AFG2A: variants seen among roughly 807,000 people sequenced by gnomAD.
The protein encoded by AFG2A is AAA ATPase AFG2A.
At chr4:122,941,130 C>T in the AFG2A span, among the ~76,000 whole-genome samples, 11 of 149,354 alleles carry the variant, frequency 7.4e-5, no homozygotes, top group South Asian at 4.3e-4. Context: ...TTTTTTGGTT[C>T]CATATGAACT....
the AFG2A span, among the ~76,000 whole-genome samples, chr4:123,017,871 C>T: frequency 6.6e-6 from 1 of 152,002 alleles, no homozygotes; most frequent in Non-Finnish European, 1.5e-5. Flanking sequence ...AACTTGGCAC[C>T]CAGCAAGCAA....
chr4:123,254,507 T>C, the AFG2A span, among the ~76,000 whole-genome samples: 1 of 152,218 alleles, frequency 6.6e-6, no homozygotes, highest in Non-Finnish European at 1.5e-5. Context: ...AGTGTAAATT[T>C]TTCCAATTTG....
chr4:123,199,462 G>GTGTTTTT, the AFG2A span, among the ~76,000 whole-genome samples: 1 of 47,412 alleles, frequency 2.1e-5, no homozygotes. Flanking sequence ...ATACTCAGAG[G>GTGTTTTT]TTTTTTTTTT....
chr4:123,278,384 T>TAATTTTTTC, the AFG2A span, among the ~76,000 whole-genome samples: 1 of 152,158 alleles, frequency 6.6e-6, no homozygotes, highest in African/African-American at 2.4e-5. Flanking sequence ...CTATCTGTCT[T>TAATTTTTTC]AATTTTTTCA....
the AFG2A span, among the ~76,000 whole-genome samples, chr4:123,093,185 A>T: frequency 0.016 from 2,492 of 152,256 alleles, 28 homozygotes; most frequent in African/African-American, 0.028. Context: ...TGGGGGTGTT[A>T]GACAGCAATC....
chr4:123,315,020 T>A, the AFG2A span: 1 of 151,976 alleles, frequency 6.6e-6, no homozygotes, highest in African/African-American at 2.4e-5. Context: ...CCTCCCAAAG[T>A]GCTGGGATTA....
At chr4:123,011,621 T>G in the AFG2A span, among the ~76,000 whole-genome samples, 1 of 152,194 alleles carries the variant, frequency 6.6e-6, no homozygotes, top group African/African-American at 2.4e-5. Flanking sequence ...GAAAGTGCCA[T>G]TTTCTGGCTA....
At chr4:123,087,669 GTTTGT>G in the AFG2A span, among the ~76,000 whole-genome samples, 1 of 152,142 alleles carries the variant, frequency 6.6e-6, no homozygotes, top group Non-Finnish European at 1.5e-5. Flanking sequence ...ACCCCCAGCA[GTTTGT>G]TAATTGCATT....
the AFG2A span, among the ~76,000 whole-genome samples, chr4:123,274,327 A>G: frequency 3.3e-5 from 5 of 152,036 alleles, no homozygotes; most frequent in African/African-American, 7.2e-5. Flanking sequence ...GACCGAATGC[A>G]TACAATTTCA....
chr4:123,226,455 A>G, the AFG2A span, among the ~76,000 whole-genome samples: 5 of 152,204 alleles, frequency 3.3e-5, no homozygotes, highest in Admixed American at 1.3e-4. Flanking sequence ...CCTTTTCTGC[A>G]TCTATTGAGA....
the AFG2A span, among the ~76,000 whole-genome samples, chr4:123,156,184 T>A: frequency 6.6e-6 from 1 of 152,212 alleles, no homozygotes; most frequent in Admixed American, 6.5e-5. Flanking sequence ...TGTGTTTAGT[T>A]TGCAAGTTTA....
chr4:122,923,101 G>C, the AFG2A span: 1 of 1,611,084 alleles, frequency 6.2e-7, no homozygotes, highest in Non-Finnish European at 8.5e-7. Context: ...CGCGCACATT[G>C]AGTCGGCTTT....
the AFG2A span, among the ~76,000 whole-genome samples, chr4:123,179,140 AC>A: frequency 6.6e-6 from 1 of 152,164 alleles, no homozygotes; most frequent in South Asian, 2.1e-4. Flanking sequence ...CTTTTGAAGA[AC>A]TATTTTCAAG....
chr4:122,962,516 C>T, the AFG2A span, among the ~76,000 whole-genome samples: 90 of 152,238 alleles, frequency 5.9e-4, no homozygotes, highest in African/African-American at 2.0e-3. Flanking sequence ...TTTGAGATGA[C>T]TGGAACTGAA....
the AFG2A span, among the ~76,000 whole-genome samples, chr4:122,935,062 A>G: frequency 1.9e-4 from 29 of 152,316 alleles, no homozygotes; most frequent in African/African-American, 5.8e-4. Context: ...ATTCAAATAC[A>G]TTAGGTAAAA....
chr4:123,139,998 C>T, the AFG2A span, among the ~76,000 whole-genome samples: 1 of 151,996 alleles, frequency 6.6e-6, no homozygotes, highest in African/African-American at 2.4e-5. Context: ...CAAATATCAA[C>T]AGATAGGTCA....
At chr4:123,067,112 G>A in the AFG2A span, among the ~76,000 whole-genome samples, 14 of 152,182 alleles carry the variant, frequency 9.2e-5, no homozygotes, top group South Asian at 4.1e-4. Flanking sequence ...TACATTTTAC[G>A]TGTACCATGA....
At chr4:122,999,849 T>G in the AFG2A span, among the ~76,000 whole-genome samples, 1 of 151,770 alleles carries the variant, frequency 6.6e-6, no homozygotes, top group Non-Finnish European at 1.5e-5. Context: ...GTGAAGAAAG[T>G]CATTGGTAGC....
chr4:123,105,950 G>A, the AFG2A span, among the ~76,000 whole-genome samples: 1 of 152,190 alleles, frequency 6.6e-6, no homozygotes, highest in Non-Finnish European at 1.5e-5. Flanking sequence ...TGAGAGGATT[G>A]ACTCCATCTT....
Sources: gnomAD v4.1 joint callset for allele counts (sites outside exome capture counted in the v4.1 genomes callset) on GRCh38, gnomAD v4.1.1 for gene constraint, MANE v1.5 for transcripts, NCBI Gene and HGNC (gene_info 2026-07-23, HGNC 2026-07-21) for gene names.